Variants in NASP observed in about 807,000 individuals in gnomAD.
The protein encoded by NASP is NASP histone chaperone.
Under a neutral mutation model 89.5 loss-of-function variants are expected in NASP, and 24 were observed. That is an observed-to-expected ratio of 0.27 (90% CI 0.19 to 0.38). The LOEUF (loss-of-function observed/expected upper bound fraction) is 0.38. Ranked by LOEUF, NASP falls within the 10% of genes least tolerant of loss-of-function variation. NASP has a pLI of 1.00. For missense variants in NASP, 848 were observed against 921.4 expected (o/e 0.92, Z 1.03); for synonymous variants, 306 against 324.7 (o/e 0.94, Z 0.62).
intron 2 of NASP, among the ~76,000 whole-genome samples, chr1:45,597,712 C>T (rs545071628): frequency 1.3e-5 from 2 of 152,252 alleles, no homozygotes; most frequent in African/African-American, 2.4e-5. Flanking sequence ...GCTTCAGTAA[C>T]GTAACAGTGT....
In NASP at chr1:45,608,048, AGTCAATGGACC is replaced by A; in HGVS notation, c.1142_1152del (p.Asn381SerfsTer9). ...CTCCAGTTCTCCCTAAGGATGGTGC[AGTCAATGGACC>A]GTCAGTTGTAGGAGATCAGACTCCT... On this transcript the variant is annotated frameshift_variant, in exon 6 of 15. Transcript: ENST00000350030. LOFTEE classifies it high-confidence loss of function. The A allele has an allele frequency of 6.2e-7, 1 of 1,614,024 alleles. No homozygotes were observed. The highest frequency in any genetic ancestry group is 8.5e-7 in the Non-Finnish European group (1 of 1,179,886).
intron 9 of NASP, 54 bp from the exon 10 acceptor site, chr1:45,614,959 G>A: frequency 6.8e-7 from 1 of 1,477,388 alleles, no homozygotes; most frequent in Non-Finnish European, 9.2e-7. Flanking sequence ...AATTCTGGAA[G>A]TATTTTATGT....
intron 7 of NASP, 50 bp from the exon 8 acceptor site, chr1:45,614,046 T>G: frequency 7.3e-7 from 1 of 1,371,372 alleles, no homozygotes; most frequent in Non-Finnish European, 1.0e-6. Flanking sequence ...TACATTTAGA[T>G]TTGTATTTGA....
At chr1:45,617,148 A>G in intron 13 of NASP, 1 of 323,546 alleles carries the variant, frequency 3.1e-6, no homozygotes. Context: ...CAGCCAGGGA[A>G]CTCTGAACTC....
chr1:45,608,026 C>T lies in NASP; in HGVS notation c.1115C>T (p.Pro372Leu), dbSNP rs1267035892. Residue 372 changes from proline to leucine, a missense_variant, in exon 6 of 15, where the codon CCA (proline) becomes CTA (leucine). Physicochemically the swap from Pro to Leu is moderately conservative, Grantham distance 98 (BLOSUM62 -3). This residue lies in a region of NASP where 464 missense variants were observed against 469.4 expected (regional missense o/e 0.99). Transcript: ENST00000350030. ...TCTGAAAAGCCTGGGCAGGAGGCTC[C>T]AGTTCTCCCTAAGGATGGTGCAGTC... ...EVSEKPGQEA[P>L]VLPKDGAVNG... The T allele has an allele frequency of 6.2e-7, 1 of 1,614,020 alleles. No individual in the cohort carries two copies. The highest frequency in any genetic ancestry group is 8.5e-7 in the Non-Finnish European group (1 of 1,179,904).
At chr1:45,587,437 T>A (rs984532975) in intron 1 of NASP, among the ~76,000 whole-genome samples, 3 of 151,836 alleles carry the variant, frequency 2.0e-5, no homozygotes, top group Admixed American at 6.6e-5. Flanking sequence ...TGAGCCACCG[T>A]GCCCGGCTGC....
At chr1:45,595,007 C>T (rs1025968492) in intron 2 of NASP, among the ~76,000 whole-genome samples, 5 of 151,966 alleles carry the variant, frequency 3.3e-5, no homozygotes, top group Non-Finnish European at 4.4e-5. Context: ...TTTTTTCCCC[C>T]CTTGAGTCAG....
At position 45,614,885 on chromosome 1, in the gene NASP, C is replaced by T; in HGVS notation, c.1667-128C>T. The T allele has an allele frequency of 6.0e-6, 5 of 840,038 alleles. No individual in the cohort carries two copies. The South Asian group carries it at 9.2e-5, about 15-fold the overall frequency. The allele number at this position is 840,038 out of a possible 1,614,324, so 52.0% of individuals were successfully genotyped here. A position where few individuals can be genotyped will look rare whatever the true frequency, so the allele number is the denominator to read the frequency against. ...TTGACTTTCTTTATAGCCAAGGGTCCTGGAAATAACTATAAACAAAAATGG... is the reference window on the plus strand; with the variant it reads ...TTGACTTTCTTTATAGCCAAGGGTCTTGGAAATAACTATAAACAAAAATGG... On this transcript the variant is annotated intron_variant, in intron 9 of 14. Transcript: ENST00000350030.
Position 45,616,845 on chromosome 1 carries a change from T to C in NASP, c.2157+142T>C. 6.2e-6 allele frequency: 5 copies of C among 809,030 alleles called. No homozygotes were observed. In the South Asian group the frequency reaches 8.0e-5, roughly 13 times the overall value. 50.1% of individuals were successfully genotyped at this position (809,030 alleles called of 1,614,324 possible). ...GTAAGGATTTGTGAGTGGAGACTGT[T>C]GTGTTTTGTTTTGTTTTGAGACGGA... On this transcript the variant is annotated intron_variant, in intron 13 of 14. Coordinates refer to ENST00000350030, the MANE Select transcript of NASP (RefSeq NM_002482.4).
chr1:45,606,373 G>T (rs993974560), intron 4 of NASP, 109 bp from the exon 5 acceptor site: 61 of 686,794 alleles, frequency 8.9e-5, no homozygotes, highest in Non-Finnish European at 1.3e-5. Context: ...TATTGCCTGC[G>T]CTTGGCTTAC....
At position 45,615,216 on chromosome 1, in the gene NASP, G is replaced by A. The variant is rs570948307; in HGVS notation, c.1855+15G>A. On this transcript the variant is annotated intron_variant, in intron 10 of 14. Transcript: ENST00000350030. ...GAACAGAATGGGTGAGTGAAGACGA[G>A]CTGCTTCATGGTGATGTTGGATCCA... 1.7e-5 allele frequency: 28 copies of A among 1,613,500 alleles called. 1 individual carries two copies. In the East Asian group the frequency reaches 5.8e-4, roughly 33 times the overall value.
chr1:45,599,844 C>G (rs937976833), intron 2 of NASP, among the ~76,000 whole-genome samples: 3 of 152,164 alleles, frequency 2.0e-5, no homozygotes, highest in Non-Finnish European at 4.4e-5. Flanking sequence ...TAATTCTTCC[C>G]CAGCTTACTC....
At chr1:45,616,233 T>G in intron 11 of NASP, 104 bp from the exon 12 acceptor site, 1 of 1,063,714 alleles carries the variant, frequency 9.4e-7, no homozygotes, top group Non-Finnish European at 1.5e-6. Context: ...CACTAGCATT[T>G]CAGGTCTTAG....
rs151324543 is a variant in NASP, at chr1:45,593,941, A to G, written c.107+2671A>G. 5.5e-4 allele frequency among the ~76,000 whole-genome samples: 83 copies of G among 151,606 alleles called. No homozygotes were observed. In the East Asian group the frequency reaches 0.013, roughly 24 times the overall value. ...ATACTGGGGAGGCTGAGGTAGGAGG[A>G]TTGCGGAAGCCCAGGAAGTCGAGGT... On this transcript the variant is annotated intron_variant, in intron 2 of 14. Coordinates refer to ENST00000350030, the MANE Select transcript of NASP (RefSeq NM_002482.4).
At chr1:45,587,197 T>G (rs1171619545) in intron 1 of NASP, among the ~76,000 whole-genome samples, 2 of 151,970 alleles carry the variant, frequency 1.3e-5, no homozygotes, top group Non-Finnish European at 2.9e-5. Flanking sequence ...TTTTTTTTGT[T>G]GTTTTTTTTT....
At chr1:45,609,775 A>T (rs559985699) in intron 6 of NASP, 102 of 152,348 alleles carry the variant, frequency 6.7e-4, no homozygotes, top group African/African-American at 2.4e-3. Context: ...TTGAGGTTTA[A>T]AGGTTACATG....
Position 45,614,197 on chromosome 1 carries a change from C to A in NASP, c.1592+16C>A, listed in dbSNP as rs1462893759. 1 of 1,604,716 alleles carries A rather than the reference C, an allele frequency of 6.2e-7. No homozygotes were observed. The highest frequency in any genetic ancestry group is 1.1e-5 in the South Asian group (1 of 90,884). ...TTTTTAAAAGGTAAAACTCTTGGTG[C>A]TTCTAGGCTTGGGTTGGGAGTTTGG... On this transcript the variant is annotated intron_variant, in intron 8 of 14. Transcript: ENST00000350030.
At chr1:45,616,807 T>C in intron 13 of NASP, 104 bp downstream of exon 13, 9 of 1,101,720 alleles carry the variant, frequency 8.2e-6, no homozygotes, top group South Asian at 1.3e-5. Flanking sequence ...AAGACACTTA[T>C]TTTCCAAAGG....
intron 2 of NASP, chr1:45,600,595 G>A: frequency 5.3e-6 from 3 of 567,712 alleles, no homozygotes; most frequent in Non-Finnish European, 7.1e-6. Flanking sequence ...ATCACAATTT[G>A]TTTATCCATT....
Sources: allele counts gnomAD v4.1 joint callset (sites outside exome capture counted in the v4.1 genomes callset), GRCh38; gene constraint gnomAD v4.1.1; regional missense constraint gnomAD v4.1.1; transcripts MANE v1.5; gene names NCBI Gene and HGNC (gene_info 2026-07-23, HGNC 2026-07-21).